The following PHF2 variants were observed in gnomAD, a reference collection of about 807,000 sequenced individuals.
PHF2 encodes the protein lysine-specific demethylase PHF2.
A neutral mutation model predicts 120.5 loss-of-function variants in PHF2; 27 were observed. The observed-to-expected ratio is 0.22, with a 90% CI of 0.17 to 0.31. PHF2 has a LOEUF of 0.31. Among genes scored for constraint, PHF2 ranks in the 10% least tolerant of loss-of-function variants. PHF2 has a pLI of 1.00. For missense variants in PHF2, 1,024 were observed against 1,434.8 expected (o/e 0.71, Z 4.63); for synonymous variants, 568 against 592.5 (o/e 0.96, Z 0.60).
At chr9:93,593,084 CA>C (rs200919035) in intron 1 of PHF2, among the ~76,000 whole-genome samples, 1,071 of 82,794 alleles carry the variant, frequency 0.013, 1 homozygote, top group East Asian at 0.032. Flanking sequence ...TCCTTTATGC[CA>C]AAAAAAAAAA....
chr9:93,675,747 C>A lies in PHF2; in HGVS notation c.2790C>A (p.Ile930=), dbSNP rs148663364. ...GTGAGGGTACACGGGTGGCTTCCAT[C>A]GAGACCGGGCTGGCGGCTGCTGCAG... The part of the protein sequence containing the change: ...PVREGTRVAS[I]ETGLAAAAAK... Residue 930 remains isoleucine (I), a synonymous_variant, in exon 20 of 22, where the codon ATC becomes ATA. Transcript: ENST00000359246. The A allele has an allele frequency of 2.5e-6, 4 of 1,612,676 alleles. No homozygotes were observed. The African/African-American group carries it at 5.3e-5, about 22-fold the overall frequency.
At chr9:93,593,504 G>A (rs1825273773) in intron 1 of PHF2, among the ~76,000 whole-genome samples, 1 of 152,166 alleles carries the variant, frequency 6.6e-6, no homozygotes, top group African/African-American at 2.4e-5. Flanking sequence ...AGAAACCACT[G>A]GAGTATGCTC....
chr9:93,666,706 G>A (rs893445696), intron 16 of PHF2, among the ~76,000 whole-genome samples: 4 of 152,166 alleles, frequency 2.6e-5, no homozygotes, highest in African/African-American at 9.7e-5. Context: ...TGAGGTGGGT[G>A]GATCACAAGG....
intron 1 of PHF2, among the ~76,000 whole-genome samples, chr9:93,598,364 G>A (rs1825371864): frequency 1.3e-5 from 2 of 152,200 alleles, no homozygotes; most frequent in Non-Finnish European, 2.9e-5. Context: ...CAGGACCTTG[G>A]TTCTCATCCT....
At chr9:93,617,102 G>T (rs989341557) in intron 1 of PHF2, among the ~76,000 whole-genome samples, 1 of 152,206 alleles carries the variant, frequency 6.6e-6, no homozygotes, top group Non-Finnish European at 1.5e-5. Context: ...CTGGAGGGTG[G>T]CATGGTCGGA....
intron 3 of PHF2, among the ~76,000 whole-genome samples, chr9:93,642,577 CTT>C (rs1826188090): frequency 6.6e-6 from 1 of 152,068 alleles, no homozygotes; most frequent in South Asian, 2.1e-4. Context: ...ATTTTATTGT[CTT>C]TTGACATCTC....
At chr9:93,583,377 G>T (rs1478644884) in intron 1 of PHF2, among the ~76,000 whole-genome samples, 1 of 152,136 alleles carries the variant, frequency 6.6e-6, no homozygotes, top group African/African-American at 2.4e-5. Context: ...AAACATTTGT[G>T]TATAAATATT....
rs1388900625 is a variant in PHF2, at chr9:93,615,758, C to T, written c.99-14212C>T. ...TCCTCCCCACAGGTTCCTTATGAGACACCTGGGGGACTCCAAACAGCAGTA... is the reference window on the plus strand; with the variant it reads ...TCCTCCCCACAGGTTCCTTATGAGATACCTGGGGGACTCCAAACAGCAGTA... On this transcript the variant is annotated intron_variant, in intron 1 of 21. Coordinates refer to ENST00000359246, the MANE Select transcript of PHF2 (RefSeq NM_005392.4). Among the ~76,000 whole-genome samples, 7 of 152,268 alleles carry T rather than the reference C, an allele frequency of 4.6e-5. No individual in the cohort carries two copies. The East Asian group carries it at 9.7e-4, about 21-fold the overall frequency.
chr9:93,671,832 A>G (rs112948912), intron 17 of PHF2, among the ~76,000 whole-genome samples: 2,572 of 99,516 alleles, frequency 0.026, 155 homozygotes, highest in African/African-American at 0.1. Context: ...GTAGATGCAG[A>G]TGTGGGTGTG....
intron 1 of PHF2, among the ~76,000 whole-genome samples, chr9:93,619,904 T>C (rs1191847371): frequency 1.3e-5 from 2 of 152,244 alleles, no homozygotes; most frequent in African/African-American, 4.8e-5. Flanking sequence ...CTGAGGTCTG[T>C]GTGTGGCCAG....
chr9:93,638,143 T>C (rs981443341), intron 3 of PHF2, among the ~76,000 whole-genome samples: 1 of 152,130 alleles, frequency 6.6e-6, no homozygotes, highest in Non-Finnish European at 1.5e-5. Flanking sequence ...TTTTTTGTTA[T>C]TGAGTTTAAA....
Position 93,677,754 on chromosome 9 carries a change from G to A in PHF2, c.*78G>A. 1 of 1,060,768 alleles carries A rather than the reference G, an allele frequency of 9.4e-7. No homozygotes were observed. Among genetic ancestry groups the A allele is most frequent in the South Asian group, 1.4e-5 (1 of 72,712 alleles). The allele number at this position is 1,060,768 out of a possible 1,614,324, so 65.7% of individuals were successfully genotyped here. A position where few individuals can be genotyped will look rare whatever the true frequency, so the allele number is the denominator to read the frequency against. On this transcript the variant is annotated 3_prime_UTR_variant, in exon 22 of 22. Transcript: ENST00000359246. This position sits in a 1 kb window ranked among gnomAD's most constrained non-coding sequence, Gnocchi z 4.4. ...GAAAACATCTGCCTCCCAGGAGGGT[G>A]CCGAGCTGCCTCACCAGGGAGGGCC...
intron 1 of PHF2, among the ~76,000 whole-genome samples, chr9:93,581,200 C>T (rs1223009049): frequency 1.3e-5 from 2 of 152,134 alleles, no homozygotes; most frequent in Non-Finnish European, 2.9e-5. Flanking sequence ...TCTGGGCTCT[C>T]ATTGTGCCCA....
At position 93,656,443 on chromosome 9, in the gene PHF2, T is replaced by A; in HGVS notation, c.1041-46T>A. The A allele has an allele frequency of 7.4e-7, 1 of 1,360,452 alleles. No individual in the cohort carries two copies. Among genetic ancestry groups the A allele is most frequent in the Non-Finnish European group, 1.1e-6 (1 of 951,344 alleles). The allele number at this position is 1,360,452 out of a possible 1,614,324, so 84.3% of individuals were successfully genotyped here. On this transcript the variant is annotated intron_variant, in intron 8 of 21. Coordinates refer to ENST00000359246, the MANE Select transcript of PHF2 (RefSeq NM_005392.4). This position sits in a 1 kb window ranked among gnomAD's most constrained non-coding sequence, Gnocchi z 4.1. ...GCCTGGATTGATGCCCAGCGTCGCC[T>A]GCTTGATGGTCAGTGCACTGAGAAC...
intron 1 of PHF2, among the ~76,000 whole-genome samples, chr9:93,608,492 C>T (rs867831062): frequency 1.3e-5 from 2 of 150,834 alleles, no homozygotes; most frequent in Middle Eastern, 3.4e-3. Context: ...CTGCTTCTAT[C>T]ATCTGAAAGA....
At chr9:93,623,852 A>C (rs1271339840) in intron 1 of PHF2, among the ~76,000 whole-genome samples, 1 of 152,224 alleles carries the variant, frequency 6.6e-6, no homozygotes, top group African/African-American at 2.4e-5. Context: ...CCCAGAACTC[A>C]AGACTGTGGT....
chr9:93,677,715 C>G lies in PHF2; in HGVS notation c.*39C>G. The G allele has an allele frequency of 6.7e-7, 1 of 1,482,756 alleles. No individual in the cohort carries two copies. The highest frequency in any genetic ancestry group is 9.4e-7 in the Non-Finnish European group (1 of 1,065,682). The allele number at this position is 1,482,756 out of a possible 1,614,324, so 91.8% of individuals were successfully genotyped here. On this transcript the variant is annotated 3_prime_UTR_variant, in exon 22 of 22. Coordinates refer to ENST00000359246, the MANE Select transcript of PHF2 (RefSeq NM_005392.4). This position sits in a 1 kb window ranked among gnomAD's most constrained non-coding sequence, Gnocchi z 4.4. ...AGGATCCTTCTGCTCCGCTCAGGAC[C>G]CCCGGAGCCCCGCGAAAACATCTGC... is the stretch of plus-strand genomic sequence containing the variant.
rs1826881421 is a variant in PHF2, at chr9:93,674,958, C to T, written c.2658C>T (p.Asn886=). The change falls in exon 19 of 22, where the codon AAC becomes AAT. Residue 886 remains asparagine (N), a synonymous_variant. Transcript: ENST00000359246. ...VYPSLESDED[N]PIFKSRSKKR... is the part of the protein sequence containing the mutation. Reference sequence around the variant, plus strand: ...CCTCACTGGAGTCAGATGAAGACAACCCCATCTTTAAGTCCCGGTCGAAGA... The same window carrying T: ...CCTCACTGGAGTCAGATGAAGACAATCCCATCTTTAAGTCCCGGTCGAAGA... 1 of 1,613,930 alleles carries T rather than the reference C, an allele frequency of 6.2e-7. No homozygotes were observed. The highest frequency in any genetic ancestry group is 8.5e-7 in the Non-Finnish European group (1 of 1,179,952).
At position 93,656,846 on chromosome 9, in the gene PHF2, A is replaced by AG. The variant is rs1012005429; in HGVS notation, c.1147+255dup. Among the ~76,000 whole-genome samples, 1 of 152,124 alleles carries AG rather than the reference A, an allele frequency of 6.6e-6. No individual in the cohort carries two copies. Among genetic ancestry groups the AG allele is most frequent in the Non-Finnish European group, 1.5e-5 (1 of 68,016 alleles). On this transcript the variant is annotated intron_variant, in intron 9 of 21. Transcript: ENST00000359246. This position sits in a 1 kb window ranked among gnomAD's most constrained non-coding sequence, Gnocchi z 4.1. Reference sequence around the variant, plus strand: ...AACGAACACTGGGCTGTGGGTTGAGAGGGGTGAGTGTGCATGGCCTCAGTG... The same window carrying AG: ...AACGAACACTGGGCTGTGGGTTGAGAGGGGGTGAGTGTGCATGGCCTCAGTG...
Sources: allele counts gnomAD v4.1 joint callset (sites outside exome capture counted in the v4.1 genomes callset), GRCh38; gene constraint gnomAD v4.1.1; non-coding constraint Gnocchi (gnomAD v3.1); transcripts MANE v1.5; gene names NCBI Gene and HGNC (gene_info 2026-07-23, HGNC 2026-07-21).